Variants in SLC12A5 observed in about 807,000 individuals in gnomAD.
The protein encoded by SLC12A5 is solute carrier family 12 member 5, also known as K-Cl cotransporter 2.
In SLC12A5, 18 loss-of-function variants were observed where a neutral mutation model predicts 124.0. The observed-to-expected ratio is 0.15, with a 90% CI of 0.10 to 0.22. The LOEUF (loss-of-function observed/expected upper bound fraction) is 0.22, where lower values mean the gene tolerates loss of function less well. Among genes scored for constraint, SLC12A5 ranks in the 10% least tolerant of loss-of-function variants. The pLI is 1.00. For missense variants in SLC12A5, 867 were observed against 1,478.7 expected (o/e 0.59, Z 6.78); for synonymous variants, 589 against 568.0 (o/e 1.04, Z -0.53).
chr20:46,048,278 G>A (rs1164883211), intron 16 of SLC12A5, among the ~76,000 whole-genome samples, 193 bp downstream of exon 16: 1 of 152,146 alleles, frequency 6.6e-6, no homozygotes, highest in Non-Finnish European at 1.5e-5. Context: ...AGACATTTAT[G>A]TGGGTATGTA....
upstream of SLC12A5, among the ~76,000 whole-genome samples, chr20:46,025,025 A>G (rs1305628246): frequency 1.3e-5 from 2 of 152,256 alleles, no homozygotes; most frequent in African/African-American, 2.4e-5. Flanking sequence ...CAAGACCACA[A>G]TGTAGCCCAT....
In SLC12A5 at chr20:46,046,563, C is replaced by T. The variant is rs2084597363; in HGVS notation, c.1787+127C>T. The T allele has an allele frequency of 1.0e-5, 8 of 765,106 alleles. No individual in the cohort carries two copies. In the Admixed American group the frequency reaches 2.1e-4, roughly 20 times the overall value. The allele number at this position is 765,106 out of a possible 1,614,324, so 47.4% of individuals were successfully genotyped here. ...CCTGAAGAGGACATCCTTTTTTCTC[C>T]AGCTTTTGTTGACCAACTCACATGA... On this transcript the variant is annotated intron_variant, in intron 14 of 25. Coordinates refer to ENST00000243964, the MANE Select transcript of SLC12A5 (RefSeq NM_020708.5).
chr20:46,052,572 T>TCACAAAG (rs1189893323), intron 18 of SLC12A5, among the ~76,000 whole-genome samples: 1 of 152,214 alleles, frequency 6.6e-6, no homozygotes, highest in African/African-American at 2.4e-5. Flanking sequence ...GGGAGCCAGG[T>TCACAAAG]TTTGAACCAG....
rs34923327 is a variant in SLC12A5, at chr20:46,022,943, G to GGGAGGA, written c.90_95dup (p.Gly31_Gly32dup). The GGGAGGA allele has an allele frequency of 0.1, 38,198 of 363,948 alleles. 991 individuals carry two copies. The highest frequency in any genetic ancestry group is 0.15 in the South Asian group (942 of 6,458). 22.5% of individuals were successfully genotyped at this position (363,948 alleles called of 1,614,324 possible). On this transcript the variant is annotated inframe_insertion, in exon 2 of 3. Coordinates refer to the SLC12A5 transcript ENST00000413737. The stretch of plus-strand genomic sequence containing the variant: ...ATCGGCTTGTAGTGGCCCCAGCGAG[G>GGGAGGA]GGAGGAGGAGGAGGAGGAGGAGGAG...
At position 46,045,866 on chromosome 20, in the gene SLC12A5, C is replaced by A. The variant is rs778969335; in HGVS notation, c.1570-12C>A. The A allele has an allele frequency of 4.3e-6, 7 of 1,611,426 alleles. No individual in the cohort carries two copies. The Admixed American group carries it at 1.0e-4, about 23-fold the overall frequency. ...TGAGGTCTCAGTCCCATGATGATTG[C>A]TCTTTCCCCAGGTCTTTGGCCATGG... On this transcript the variant is annotated splice_polypyrimidine_tract_variant and intron_variant, in intron 12 of 25. Coordinates refer to ENST00000243964, the MANE Select transcript of SLC12A5 (RefSeq NM_020708.5). The surrounding 1 kb of genome is among the most constrained non-coding windows in gnomAD (Gnocchi z 4.9).
At chr20:46,041,818 A>G (rs1720913703) in intron 8 of SLC12A5, among the ~76,000 whole-genome samples, 1 of 152,238 alleles carries the variant, frequency 6.6e-6, no homozygotes, top group African/African-American at 2.4e-5. Context: ...GGAACACAAA[A>G]TAAATAAGCC....
chr20:46,024,382 G>A (rs2084379590), upstream of SLC12A5, among the ~76,000 whole-genome samples: 1 of 152,190 alleles, frequency 6.6e-6, no homozygotes, highest in Non-Finnish European at 1.5e-5. Context: ...AACCTTTTAA[G>A]CCTGAAGCAG....
intron 1 of SLC12A5, among the ~76,000 whole-genome samples, chr20:46,031,497 C>T (rs965132744): frequency 1.1e-4 from 17 of 152,190 alleles, no homozygotes; most frequent in Admixed American, 3.3e-4. Context: ...ATTCTAGATT[C>T]TTGGGGATGT....
chr20:46,029,791 C>CG (rs1555860145), intron 1 of SLC12A5, among the ~76,000 whole-genome samples: 2 of 151,422 alleles, frequency 1.3e-5, no homozygotes, highest in East Asian at 2.0e-4. Flanking sequence ...CCCGTGGAGC[C>CG]GGGGGGCGCA....
At chr20:46,036,379 A>G (rs2084498479) in intron 4 of SLC12A5, among the ~76,000 whole-genome samples, 1 of 152,356 alleles carries the variant, frequency 6.6e-6, no homozygotes, top group East Asian at 1.9e-4. Context: ...ACCTTGAGAC[A>G]GCTCTGCATG....
chr20:46,057,676 C>A lies in SLC12A5; in HGVS notation c.*71C>A. 2 of 1,178,620 alleles carry A rather than the reference C, an allele frequency of 1.7e-6. No individual in the cohort carries two copies. The highest frequency in any genetic ancestry group is 1.2e-6 in the Non-Finnish European group (1 of 835,418). 73.0% of individuals were successfully genotyped at this position (1,178,620 alleles called of 1,614,324 possible). ...TCCGGAGCCCTCGCCGCGCCCCCCGCCGCTGTCACCGTTTACATACAGACC... is the reference window on the plus strand; with the variant it reads ...TCCGGAGCCCTCGCCGCGCCCCCCGACGCTGTCACCGTTTACATACAGACC... On this transcript the variant is annotated 3_prime_UTR_variant, in exon 26 of 26. Coordinates refer to ENST00000243964, the MANE Select transcript of SLC12A5 (RefSeq NM_020708.5). The surrounding 1 kb of genome is among the most constrained non-coding windows in gnomAD (Gnocchi z 7.1).
chr20:46,034,999 A>G lies in SLC12A5; in HGVS notation c.104A>G (p.Glu35Gly). 2 of 1,614,066 alleles carry G rather than the reference A, an allele frequency of 1.2e-6. No individual in the cohort carries two copies. The highest frequency in any genetic ancestry group is 2.2e-5 in the South Asian group (2 of 91,074). The change falls in exon 2 of 26, where the codon GAG becomes GGG. Residue 35 changes from glutamate (E) to glycine (G), a missense_variant. Around this residue, in one of 9 missense-constraint regions of SLC12A5, gnomAD observed 58 missense variants for 52.2 expected, o/e 1.11. Coordinates refer to ENST00000243964, the MANE Select transcript of SLC12A5 (RefSeq NM_020708.5). ...CCCTTCATCAACAGCACCGACACAGAGAAGGGAAAGGAGTATGATGGCAAG... is the reference window on the plus strand; with the variant it reads ...CCCTTCATCAACAGCACCGACACAGGGAAGGGAAAGGAGTATGATGGCAAG... ...SSPFINSTDT[E>G]KGKEYDGKNM...
chr20:46,058,645 C>T lies in SLC12A5; in HGVS notation c.*1040C>T, dbSNP rs548402869. ...GCGTCTCTCCTCAGTCGGCTTGTCG[C>T]CTGCTCCCCGTATCCCATGGCTCCT... On this transcript the variant is annotated 3_prime_UTR_variant, in exon 26 of 26. Coordinates refer to ENST00000243964, the MANE Select transcript of SLC12A5 (RefSeq NM_020708.5). The surrounding 1 kb of genome is among the most constrained non-coding windows in gnomAD (Gnocchi z 5.8). 409 of 399,052 alleles carry T rather than the reference C, an allele frequency of 1.0e-3. No homozygotes were observed. Among genetic ancestry groups the T allele is most frequent in the Non-Finnish European group, 1.6e-3 (364 of 226,076 alleles). 24.7% of individuals were successfully genotyped at this position (399,052 alleles called of 1,614,324 possible). A position where few individuals can be genotyped will look rare whatever the true frequency, so the allele number is the denominator to read the frequency against.
At chr20:46,035,108 C>T in intron 2 of SLC12A5, 66 bp downstream of exon 2, 1 of 1,506,328 alleles carries the variant, frequency 6.6e-7, no homozygotes, top group South Asian at 1.1e-5. Flanking sequence ...GCTGCTCTCT[C>T]CCTCCCTCCC....
chr20:46,038,657 T>C (rs999904832), intron 6 of SLC12A5, among the ~76,000 whole-genome samples: 2 of 152,240 alleles, frequency 1.3e-5, no homozygotes, highest in African/African-American at 4.8e-5. Flanking sequence ...CCTATAATCT[T>C]ACAATAGTTA....
At chr20:46,028,802 C>T (rs926027144), upstream of SLC12A5, among the ~76,000 whole-genome samples, 4 of 152,160 alleles carry the variant, frequency 2.6e-5, no homozygotes, top group African/African-American at 9.6e-5. Flanking sequence ...CTGGGGGTTA[C>T]CCCAGACCCC....
rs1476034968 is a variant in SLC12A5, at chr20:46,059,959, TG to T, written c.*2355del. On this transcript the variant is annotated 3_prime_UTR_variant, in exon 26 of 26. Coordinates refer to ENST00000243964, the MANE Select transcript of SLC12A5 (RefSeq NM_020708.5). ...TATTAGGCCTGCCTTTAATTTTCAG[TG>T]TAAGTGTTCAGTATGCCGCATCCTG... is the stretch of plus-strand genomic sequence containing the variant. 5 of 245,026 alleles carry T rather than the reference TG, an allele frequency of 2.0e-5. No homozygotes were observed. Among genetic ancestry groups the T allele is most frequent in the Middle Eastern group, 1.2e-3 (1 of 848 alleles). 15.2% of individuals were successfully genotyped at this position (245,026 alleles called of 1,614,324 possible). A position where few individuals can be genotyped will look rare whatever the true frequency, so the allele number is the denominator to read the frequency against.
chr20:46,042,267 G>T (rs577649561), intron 8 of SLC12A5, among the ~76,000 whole-genome samples: 33 of 152,250 alleles, frequency 2.2e-4, no homozygotes, highest in African/African-American at 7.5e-4. Flanking sequence ...AAGGGGTTTT[G>T]GGAAAGGGAG....
intron 20 of SLC12A5, among the ~76,000 whole-genome samples, chr20:46,054,240 C>CTA (rs35720358): frequency 0.031 from 4,721 of 152,244 alleles, 164 homozygotes; most frequent in Admixed American, 0.11. Context: ...ATTTGTGTGT[C>CTA]TAAACATATC....
Sources: allele counts gnomAD v4.1 joint callset (sites outside exome capture counted in the v4.1 genomes callset), GRCh38; gene constraint gnomAD v4.1.1; regional missense constraint gnomAD v4.1.1; non-coding constraint Gnocchi (gnomAD v3.1); transcripts MANE v1.5; gene names NCBI Gene and HGNC (gene_info 2026-07-23, HGNC 2026-07-21).